The following MDGA2 variants were observed in gnomAD, a reference collection of about 807,000 sequenced individuals.
The protein encoded by MDGA2 is MAM domain containing glycosylphosphatidylinositol anchor 2.
Under a neutral mutation model 117.8 loss-of-function variants are expected in MDGA2, and 40 were observed. The observed-to-expected ratio is 0.34, with a 90% CI of 0.26 to 0.44. MDGA2 has a LOEUF of 0.44. Among genes scored for constraint, MDGA2 ranks in the 20% least tolerant of loss-of-function variants. The pLI is 1.00. For missense variants in MDGA2, 1,123 were observed against 1,250.6 expected (o/e 0.90, Z 1.54); for synonymous variants, 452 against 439.0 (o/e 1.03, Z -0.37).
chr14:47,056,516 A>G (rs897397270), intron 7 of MDGA2, among the ~76,000 whole-genome samples: 1 of 152,136 alleles, frequency 6.6e-6, no homozygotes. Context: ...AGATCATCAA[A>G]ATCTGTATTG....
chr14:47,178,809 G>T (rs1162478053), intron 3 of MDGA2, among the ~76,000 whole-genome samples: 1 of 152,142 alleles, frequency 6.6e-6, no homozygotes, highest in Non-Finnish European at 1.5e-5. Context: ...AATTCTGCCT[G>T]AAGGAATGTA....
chr14:47,522,006 C>CA (rs1248886452), intron 1 of MDGA2, among the ~76,000 whole-genome samples: 1 of 152,000 alleles, frequency 6.6e-6, no homozygotes, highest in African/African-American at 2.4e-5. Context: ...TCAGACAAAA[C>CA]AAAACGAAAC....
At chr14:47,109,203 G>T (rs1275640074) in intron 5 of MDGA2, among the ~76,000 whole-genome samples, 4 of 152,204 alleles carry the variant, frequency 2.6e-5, no homozygotes, top group Non-Finnish European at 5.9e-5. Context: ...TTTAAGCACA[G>T]TACTAGACTG....
Position 46,992,095 on chromosome 14 carries a change from A to G in MDGA2, c.1820-34452T>C, listed in dbSNP as rs149953308. ...CTCTTTCTGTCAAAAGATCAAAACT[A>G]GCAGATACTTTCAATAGTTGAGGTA... On this transcript the variant is annotated intron_variant, in intron 8 of 16. Coordinates refer to ENST00000399232, the MANE Select transcript of MDGA2 (RefSeq NM_001113498.3). Among the ~76,000 whole-genome samples, 1,331 of 152,260 alleles carry G rather than the reference A, an allele frequency of 8.7e-3. 14 individuals carry two copies. Among genetic ancestry groups the G allele is most frequent in the Non-Finnish European group, 0.014 (958 of 67,986 alleles).
intron 3 of MDGA2, among the ~76,000 whole-genome samples, chr14:47,197,943 T>C (rs1885348472): frequency 6.6e-6 from 1 of 152,094 alleles, no homozygotes. Context: ...CAAGAAAGCT[T>C]ATATTATTTT....
intron 1 of MDGA2, among the ~76,000 whole-genome samples, chr14:47,453,730 G>A (rs1893287832): frequency 6.6e-6 from 1 of 152,134 alleles, no homozygotes; most frequent in African/African-American, 2.4e-5. Flanking sequence ...CTGATGAGTT[G>A]TTTTAATTAT....
chr14:47,463,243 C>T (rs2138596545), intron 1 of MDGA2, among the ~76,000 whole-genome samples: 1 of 152,164 alleles, frequency 6.6e-6, no homozygotes, highest in Non-Finnish European at 1.5e-5. Flanking sequence ...TGAAAAAATT[C>T]CTTTTAAAAT....
At chr14:47,242,944 T>C (rs1031221782) in intron 2 of MDGA2, among the ~76,000 whole-genome samples, 5 of 151,790 alleles carry the variant, frequency 3.3e-5, no homozygotes, top group Non-Finnish European at 7.4e-5. Context: ...TTATATTTAG[T>C]TCAGGGATTG....
chr14:47,036,454 G>A (rs12433736), intron 7 of MDGA2, among the ~76,000 whole-genome samples: 18,543 of 151,946 alleles, frequency 0.12, 1,286 homozygotes, highest in Admixed American at 0.2. Flanking sequence ...ACTATACAAC[G>A]ATCTTTCTTA....
intron 8 of MDGA2, among the ~76,000 whole-genome samples, chr14:46,969,194 T>A (rs145047326): frequency 0.12 from 17,944 of 152,118 alleles, 2,004 homozygotes; most frequent in African/African-American, 0.27. Flanking sequence ...ATTGTGACTA[T>A]TGCCGCAATA....
intron 1 of MDGA2, among the ~76,000 whole-genome samples, chr14:47,343,482 T>C (rs1468677614): frequency 1.3e-5 from 2 of 152,176 alleles, no homozygotes; most frequent in African/African-American, 4.8e-5. Context: ...ATTTTTCCAT[T>C]CATTTTGTCA....
rs35950492 is a variant in MDGA2, at chr14:47,114,955, C to CAAA, written c.925+16756_925+16758dup. Among the ~76,000 whole-genome samples the CAAA allele has an allele frequency of 5.6e-3, 719 of 127,300 alleles. 5 individuals carry two copies. The highest frequency in any genetic ancestry group is 8.5e-3 in the Middle Eastern group (2 of 236). 83.5% of individuals were successfully genotyped at this position (127,300 alleles called of 152,430 possible). A position where few individuals can be genotyped will look rare whatever the true frequency, so the allele number is the denominator to read the frequency against. ...GTAATCCAAAGAGCTTCTGCACAGCCAAAAAAAAAAAAAAAATGCCTATCA... is the reference window on the plus strand; with the variant it reads ...GTAATCCAAAGAGCTTCTGCACAGCCAAAAAAAAAAAAAAAAAAATGCCTATCA... On this transcript the variant is annotated intron_variant, in intron 5 of 16. Coordinates refer to ENST00000399232, the MANE Select transcript of MDGA2 (RefSeq NM_001113498.3).
chr14:47,373,272 G>C lies in MDGA2; in HGVS notation c.281-71722C>G, dbSNP rs1594822956. The stretch of plus-strand genomic sequence containing the variant: ...ATTGTGACAATTAAGATCAGTAAAG[G>C]ATAAAGTATATAAATCCCAATATAT... On this transcript the variant is annotated intron_variant, in intron 1 of 16. Coordinates refer to ENST00000399232, the MANE Select transcript of MDGA2 (RefSeq NM_001113498.3). 4.6e-5 allele frequency among the ~76,000 whole-genome samples: 7 copies of C among 151,990 alleles called. 1 individual carries two copies. The Middle Eastern group carries it at 0.021, about 446-fold the overall frequency.
At chr14:46,891,823 TATA>T (rs1158012824) in intron 10 of MDGA2, among the ~76,000 whole-genome samples, 1 of 151,464 alleles carries the variant, frequency 6.6e-6, no homozygotes, top group Non-Finnish European at 1.5e-5. Context: ...AAGGCTTTTT[TATA>T]ATACTTATAA....
intron 1 of MDGA2, among the ~76,000 whole-genome samples, chr14:47,349,798 A>G (rs1170806688): frequency 6.6e-6 from 1 of 152,204 alleles, no homozygotes; most frequent in Non-Finnish European, 1.5e-5. Context: ...TGACCTTTCC[A>G]GGTCCATTCT....
At chr14:47,439,281 T>C (rs769083026) in intron 1 of MDGA2, among the ~76,000 whole-genome samples, 20 of 152,232 alleles carry the variant, frequency 1.3e-4, no homozygotes, top group African/African-American at 3.4e-4. Flanking sequence ...TAAATAGATA[T>C]ATGCATAGCT....
At chr14:47,539,576 A>C (rs1358692917) in intron 1 of MDGA2, among the ~76,000 whole-genome samples, 1 of 152,190 alleles carries the variant, frequency 6.6e-6, no homozygotes, top group Admixed American at 6.5e-5. Flanking sequence ...CTATTCTGTT[A>C]TCTTTGGGAC....
chr14:46,973,383 CA>C (rs1595080273), intron 8 of MDGA2, among the ~76,000 whole-genome samples: 1 of 152,100 alleles, frequency 6.6e-6, no homozygotes, highest in East Asian at 1.9e-4. Context: ...AGTAGTGCAT[CA>C]ACTTACATTT....
intron 1 of MDGA2, among the ~76,000 whole-genome samples, chr14:47,443,140 A>G (rs1893048554): frequency 6.6e-6 from 1 of 152,166 alleles, no homozygotes; most frequent in Non-Finnish European, 1.5e-5. Context: ...TGTATGCTGA[A>G]CTTGCTAAGA....
Sources: gnomAD v4.1 joint callset for allele counts (sites outside exome capture counted in the v4.1 genomes callset) on GRCh38, gnomAD v4.1.1 for gene constraint, MANE v1.5 for transcripts, NCBI Gene and HGNC (gene_info 2026-07-23, HGNC 2026-07-21) for gene names.